Variants in HLA-DMA observed in about 807,000 individuals in gnomAD.
HLA-DMA encodes the protein HLA class II histocompatibility antigen, DM alpha chain.
HLA-DMA carries 20 observed loss-of-function variants against 27.3 expected under a neutral mutation model. The observed-to-expected ratio is 0.73, with a 90% CI of 0.52 to 1.07. The LOEUF (loss-of-function observed/expected upper bound fraction) is 1.07. Among genes scored for constraint, HLA-DMA ranks in the 50% least tolerant of loss-of-function variants. The pLI is 0.00. For synonymous variants in HLA-DMA, 111 were observed against 126.8 expected, an observed-to-expected ratio of 0.88 and a Z score of 0.83; for missense variants, 241 against 321.7, an observed-to-expected ratio of 0.75 and a Z score of 1.92.
Position 32,950,584 on chromosome 6 carries a change from T to C in HLA-DMA, c.308A>G (p.Glu103Gly). The change falls in exon 2 of 5, where the codon GAG (glutamate) becomes GGG (glycine). Residue 103 changes from glutamate (E) to glycine (G), a missense_variant. By Grantham distance (98) the Glu-to-Gly change is moderately conservative. Coordinates refer to ENST00000374843, the MANE Select transcript of HLA-DMA (RefSeq NM_006120.4). This position sits in a 1 kb window ranked among gnomAD's most constrained non-coding sequence, Gnocchi z 5.0. ...TTGCTGGATCATCCACTCGCAGAAC[T>C]CTTTGTCAAATAAAATGGCAGGAGC... ...GDAPAILFDK[E>G]FCEWMIQQIG... The C allele has an allele frequency of 6.2e-7, 1 of 1,613,040 alleles. No individual in the cohort carries two copies. Among genetic ancestry groups the C allele is most frequent in the Non-Finnish European group, 8.5e-7 (1 of 1,180,028 alleles).
At chr6:32,951,033 G>A (rs1414999003) in intron 1 of HLA-DMA, among the ~76,000 whole-genome samples, 1 of 152,144 alleles carries the variant, frequency 6.6e-6, no homozygotes, top group Non-Finnish European at 1.5e-5. Flanking sequence ...GCATGCGCCT[G>A]TAGCTACTCG....
At chr6:32,948,911 ATCC>A (rs766137750) in intron 4 of HLA-DMA, 43 bp from the exon 5 acceptor site, 111 of 1,597,470 alleles carry the variant, frequency 6.9e-5, no homozygotes, top group Middle Eastern at 3.5e-4. Flanking sequence ...CAGGGGATCC[ATCC>A]TCCTCCTCCT....
Position 32,950,392 on chromosome 6 carries a change from A to G in HLA-DMA, c.373+127T>C. 8.3e-7 allele frequency: 1 copy of G among 1,208,726 alleles called. No individual in the cohort carries two copies. Among genetic ancestry groups the G allele is most frequent in the South Asian group, 1.4e-5 (1 of 69,846 alleles). 74.9% of individuals were successfully genotyped at this position (1,208,726 alleles called of 1,614,324 possible). A position where few individuals can be genotyped will look rare whatever the true frequency, so the allele number is the denominator to read the frequency against. Reference sequence around the variant, plus strand: ...GGTGCAGACCAAGGCTGGTGGAAAAATTAAGGTGATGAAGAGAACCAGAAA... The same window carrying G: ...GGTGCAGACCAAGGCTGGTGGAAAAGTTAAGGTGATGAAGAGAACCAGAAA... On this transcript the variant is annotated intron_variant, in intron 2 of 4. Transcript: ENST00000374843. This position sits in a 1 kb window ranked among gnomAD's most constrained non-coding sequence, Gnocchi z 5.0.
chr6:32,950,159 T>C lies in HLA-DMA; in HGVS notation c.374-270A>G, dbSNP rs1776831941. 3 of 594,702 alleles carry C rather than the reference T, an allele frequency of 5.0e-6. No homozygotes were observed. Among genetic ancestry groups the C allele is most frequent in the Admixed American group, 3.0e-5 (1 of 33,574 alleles). The allele number at this position is 594,702 out of a possible 1,614,324, so 36.8% of individuals were successfully genotyped here. On this transcript the variant is annotated intron_variant, in intron 2 of 4. Coordinates refer to ENST00000374843, the MANE Select transcript of HLA-DMA (RefSeq NM_006120.4). The surrounding 1 kb of genome is among the most constrained non-coding windows in gnomAD (Gnocchi z 5.0). The stretch of plus-strand genomic sequence containing the variant: ...CAGCACTTCCTGTCTAGAGCTCACA[T>C]TGATGTCTAACCATGCACTGTCTTC...
chr6:32,949,814 C>T lies in HLA-DMA; in HGVS notation c.449G>A (p.Ser150Asn). The change falls in exon 3 of 5, where the codon AGT becomes AAT. Residue 150 changes from serine to asparagine, a missense_variant. By Grantham distance (46) the Ser-to-Asn change is conservative (BLOSUM62 1). Transcript: ENST00000374843. This position sits in a 1 kb window ranked among gnomAD's most constrained non-coding sequence, Gnocchi z 5.8. ...GKPNTLVCFV[S>N]NLFPPMLTVN... ...TGTCAGCATGGGTGGGAAGAGATTA[C>T]TGACAAAACAGACCAAAGTGTTGGG... 6.2e-7 allele frequency: 1 copy of T among 1,613,090 alleles called. No individual in the cohort carries two copies. Among genetic ancestry groups the T allele is most frequent in the Non-Finnish European group, 8.5e-7 (1 of 1,180,042 alleles).
rs1582837258 is a variant in HLA-DMA at position 32,949,092 on chromosome 6, T to C, written c.781+179A>G. The stretch of plus-strand genomic sequence containing the variant: ...TTCTTGTGACCCATAACTGTGTGTG[T>C]GTAACTGGGTCCCCAACTGGGAAGA... On this transcript the variant is annotated intron_variant, in intron 4 of 4. Transcript: ENST00000374843. The surrounding 1 kb of genome is among the most constrained non-coding windows in gnomAD (Gnocchi z 5.8). Among the ~76,000 whole-genome samples the C allele has an allele frequency of 6.6e-6, 1 of 152,272 alleles. No individual in the cohort carries two copies. The highest frequency in any genetic ancestry group is 1.9e-4 in the East Asian group (1 of 5,180).
rs1377522110 is a variant in HLA-DMA at position 32,949,248 on chromosome 6, C to A, written c.781+23G>T. The A allele has an allele frequency of 6.2e-7, 1 of 1,614,054 alleles. No individual in the cohort carries two copies. Among genetic ancestry groups the A allele is most frequent in the South Asian group, 1.1e-5 (1 of 91,070 alleles). On this transcript the variant is annotated intron_variant, in intron 4 of 4. Transcript: ENST00000374843. This position sits in a 1 kb window ranked among gnomAD's most constrained non-coding sequence, Gnocchi z 5.8. Reference sequence around the variant, plus strand: ...ACTGTATCTGGCTCCCACAGGCTCACCCGCCCCCTCCAGATGACATACCAC... The same window carrying A: ...ACTGTATCTGGCTCCCACAGGCTCAACCGCCCCCTCCAGATGACATACCAC...
Position 32,950,431 on chromosome 6 carries a change from G to C in HLA-DMA, c.373+88C>G. The C allele has an allele frequency of 7.0e-7, 1 of 1,422,460 alleles. No individual in the cohort carries two copies. Among genetic ancestry groups the C allele is most frequent in the Non-Finnish European group, 9.7e-7 (1 of 1,027,510 alleles). 88.1% of individuals were successfully genotyped at this position (1,422,460 alleles called of 1,614,324 possible). ...GAGAACCAGAAAGTATTTGAGATGG[G>C]GAGCTGGTATCAAGGGGAATTATTC... On this transcript the variant is annotated intron_variant, in intron 2 of 4. Transcript: ENST00000374843. The surrounding 1 kb of genome is among the most constrained non-coding windows in gnomAD (Gnocchi z 5.0).
At position 32,948,875 on chromosome 6, in the gene HLA-DMA, G is replaced by A; in HGVS notation, c.782-7C>T. On this transcript the variant is annotated splice_region_variant and splice_polypyrimidine_tract_variant and intron_variant, in intron 4 of 4. Transcript: ENST00000374843. ...CTGGTCTGGAAGAATCAGTCTGGGGGAGAGACAGGGATGGAGGAAAGGCAT... is the reference window on the plus strand; with the variant it reads ...CTGGTCTGGAAGAATCAGTCTGGGGAAGAGACAGGGATGGAGGAAAGGCAT... 1.2e-6 allele frequency: 2 copies of A among 1,613,650 alleles called. No homozygotes were observed. Among genetic ancestry groups the A allele is most frequent in the Non-Finnish European group, 1.7e-6 (2 of 1,179,812 alleles).
In HLA-DMA at chr6:32,950,216, T is replaced by C; in HGVS notation, c.373+303A>G. On this transcript the variant is annotated intron_variant, in intron 2 of 4. Coordinates refer to ENST00000374843, the MANE Select transcript of HLA-DMA (RefSeq NM_006120.4). The surrounding 1 kb of genome is among the most constrained non-coding windows in gnomAD (Gnocchi z 5.0). ...AGACATAGTCACGTCATCAGATATT[T>C]CCACTCTTCCCATCCATCTTGCTGG... 1.7e-6 allele frequency: 1 copy of C among 591,036 alleles called. No individual in the cohort carries two copies. The highest frequency in any genetic ancestry group is 3.0e-6 in the Non-Finnish European group (1 of 333,304). The allele number at this position is 591,036 out of a possible 1,614,324, so 36.6% of individuals were successfully genotyped here. A position where few individuals can be genotyped will look rare whatever the true frequency, so the allele number is the denominator to read the frequency against.
At position 32,950,253 on chromosome 6, in the gene HLA-DMA, C is replaced by T. The variant is rs1247178789; in HGVS notation, c.373+266G>A. On this transcript the variant is annotated intron_variant, in intron 2 of 4. Coordinates refer to ENST00000374843, the MANE Select transcript of HLA-DMA (RefSeq NM_006120.4). This position sits in a 1 kb window ranked among gnomAD's most constrained non-coding sequence, Gnocchi z 5.0. ...ATCCATCTTGCTGGGCATAGTAGCA[C>T]AAGTGTTAATATTCAGTAGGTATCA... 2 of 596,368 alleles carry T rather than the reference C, an allele frequency of 3.4e-6. No homozygotes were observed. The highest frequency in any genetic ancestry group is 5.9e-6 in the Non-Finnish European group (2 of 336,380). 36.9% of individuals were successfully genotyped at this position (596,368 alleles called of 1,614,324 possible). A position where few individuals can be genotyped will look rare whatever the true frequency, so the allele number is the denominator to read the frequency against.
intron 1 of HLA-DMA, chr6:32,952,450 C>T (rs1190778946): frequency 2.1e-6 from 1 of 471,644 alleles, no homozygotes; most frequent in Non-Finnish European, 4.4e-6. Flanking sequence ...AATCGCTCAG[C>T]CAGCAGGAAA....
At chr6:32,952,881 G>A (rs903741699) in intron 1 of HLA-DMA, 68 bp downstream of exon 1, 2 of 1,201,078 alleles carry the variant, frequency 1.7e-6, no homozygotes, top group Non-Finnish European at 2.5e-6. Flanking sequence ...AAAGCACAGC[G>A]CTTTTCCTCA....
Position 32,950,314 on chromosome 6 carries a change from A to T in HLA-DMA, c.373+205T>A, listed in dbSNP as rs906213544. The T allele has an allele frequency of 5.4e-5, 35 of 648,146 alleles. 1 individual carries two copies. The South Asian group carries it at 6.6e-4, about 12-fold the overall frequency. 40.1% of individuals were successfully genotyped at this position (648,146 alleles called of 1,614,324 possible). A position where few individuals can be genotyped will look rare whatever the true frequency, so the allele number is the denominator to read the frequency against. On this transcript the variant is annotated intron_variant, in intron 2 of 4. Transcript: ENST00000374843. This position sits in a 1 kb window ranked among gnomAD's most constrained non-coding sequence, Gnocchi z 5.0. ...GTTGAATTCATCACATTCAATACAT[A>T]GTTCTGAATGCCTACTACATGCTAG...
chr6:32,949,696 G>A lies in HLA-DMA; in HGVS notation c.567C>T (p.Tyr189=). 6.2e-7 allele frequency: 1 copy of A among 1,613,100 alleles called. No individual in the cohort carries two copies. The highest frequency in any genetic ancestry group is 2.2e-5 in the East Asian group (1 of 44,886). ...VDGLSFQAFS[Y]LNFTPEPSDI... ...CAGAAGGTTCTGGTGTGAAGTTTAA[G>A]TAAGAAAAGGCCTGGAAGCTGAGTC... is the stretch of plus-strand genomic sequence containing the variant. Residue 189 remains tyrosine (Y), a synonymous_variant, in exon 3 of 5, where the codon TAC becomes TAT. Transcript: ENST00000374843. The surrounding 1 kb of genome is among the most constrained non-coding windows in gnomAD (Gnocchi z 5.8).
At position 32,950,465 on chromosome 6, in the gene HLA-DMA, G is replaced by A; in HGVS notation, c.373+54C>T. ...ATCAAGGGGAATTATTCAGTGTACAGATCAATGAGGTTAATGCAGCCCTCC... is the reference window on the plus strand; with the variant it reads ...ATCAAGGGGAATTATTCAGTGTACAAATCAATGAGGTTAATGCAGCCCTCC... On this transcript the variant is annotated intron_variant, in intron 2 of 4. Coordinates refer to ENST00000374843, the MANE Select transcript of HLA-DMA (RefSeq NM_006120.4). The surrounding 1 kb of genome is among the most constrained non-coding windows in gnomAD (Gnocchi z 5.0). 6.3e-7 allele frequency: 1 copy of A among 1,577,190 alleles called. No individual in the cohort carries two copies. The highest frequency in any genetic ancestry group is 8.7e-7 in the Non-Finnish European group (1 of 1,149,804).
At chr6:32,952,841 C>T in intron 1 of HLA-DMA, 108 bp downstream of exon 1, 4 of 784,308 alleles carry the variant, frequency 5.1e-6, no homozygotes, top group Non-Finnish European at 8.8e-6. Context: ...CTGTTGTTTC[C>T]ACTGCCTCAT....
chr6:32,948,672 A>T lies in HLA-DMA; in HGVS notation c.*192T>A. The T allele has an allele frequency of 3.0e-6, 2 of 661,466 alleles. No homozygotes were observed. Among genetic ancestry groups the T allele is most frequent in the Non-Finnish European group, 5.5e-6 (2 of 365,900 alleles). The allele number at this position is 661,466 out of a possible 1,614,324, so 41.0% of individuals were successfully genotyped here. On this transcript the variant is annotated 3_prime_UTR_variant, in exon 5 of 5. Transcript: ENST00000374843. ...GGGAAGGGATGTGGTTGTGATAGGC[A>T]GGCCACTCTGGGATCCCTGGGATGC...
chr6:32,952,959 G>T lies in HLA-DMA; in HGVS notation c.78C>A (p.Ala26=). The T allele has an allele frequency of 1.2e-6, 2 of 1,612,020 alleles. No individual in the cohort carries two copies. Among genetic ancestry groups the T allele is most frequent in the Non-Finnish European group, 1.7e-6 (2 of 1,179,200 alleles). The stretch of plus-strand genomic sequence containing the variant: ...GGAGTACCATCTTACCTTCAGGGAC[G>T]GCCCAGGAGTGGGGTAGCAGCCACA... The part of the protein sequence containing the change: ...PLLWLLPHSW[A]VPEAPTPMWP... The change falls in exon 1 of 5, where the codon GCC becomes GCA. Residue 26 remains alanine (A), a synonymous_variant. Coordinates refer to ENST00000374843, the MANE Select transcript of HLA-DMA (RefSeq NM_006120.4).
Sources: allele counts gnomAD v4.1 joint callset (sites outside exome capture counted in the v4.1 genomes callset), GRCh38; gene constraint gnomAD v4.1.1; non-coding constraint Gnocchi (gnomAD v3.1); transcripts MANE v1.5; gene names NCBI Gene and HGNC (gene_info 2026-07-23, HGNC 2026-07-21).